KHDRBS2: variants seen among roughly 807,000 people sequenced by gnomAD.
The protein encoded by KHDRBS2 is KH RNA binding domain containing, signal transduction associated 2.
A neutral mutation model predicts 44.3 loss-of-function variants in KHDRBS2; 26 were observed. The ratio of observed to expected loss-of-function variants is 0.59; its 90% CI spans 0.43 to 0.81. The LOEUF is 0.81. Ranked by LOEUF, KHDRBS2 falls within the 40% of genes least tolerant of loss-of-function variation. KHDRBS2 has a pLI of 0.00. For missense variants in KHDRBS2, 476 were observed against 433.1 expected (o/e 1.10, Z -0.88); for synonymous variants, 194 against 151.1 (o/e 1.28, Z -2.08).
chr6:61,726,925 T>A (rs1357554564), intron 7 of KHDRBS2, among the ~76,000 whole-genome samples: 1 of 152,066 alleles, frequency 6.6e-6, no homozygotes, highest in Non-Finnish European at 1.5e-5. Flanking sequence ...AAAAATATTT[T>A]AAAATTCATA....
At chr6:62,279,238 C>A (rs1841453834) in intron 1 of KHDRBS2, among the ~76,000 whole-genome samples, 1 of 152,162 alleles carries the variant, frequency 6.6e-6, no homozygotes, top group South Asian at 2.1e-4. Context: ...TTTCCAACTT[C>A]CTGCATATGA....
At chr6:61,984,227 T>A (rs1427809413) in intron 3 of KHDRBS2, among the ~76,000 whole-genome samples, 9 of 152,194 alleles carry the variant, frequency 5.9e-5, no homozygotes, top group Non-Finnish European at 1.3e-4. Flanking sequence ...TGGGCTATAC[T>A]ATGAAGTTAA....
At chr6:61,600,255 T>C in the KHDRBS2 span, among the ~76,000 whole-genome samples, 5 of 152,120 alleles carry the variant, frequency 3.3e-5, no homozygotes, top group Admixed American at 6.5e-5. Context: ...CCAGATAGCC[T>C]GAAGTAACTG....
intron 2 of KHDRBS2, among the ~76,000 whole-genome samples, chr6:62,105,692 C>A (rs905809901): frequency 1.3e-5 from 2 of 151,928 alleles, no homozygotes; most frequent in Non-Finnish European, 2.9e-5. Context: ...GTCTTGCTAG[C>A]GGTCTATCAA....
intron 4 of KHDRBS2, among the ~76,000 whole-genome samples, chr6:61,910,029 C>T (rs1475107011): frequency 6.6e-6 from 1 of 152,182 alleles, no homozygotes; most frequent in African/African-American, 2.4e-5. Context: ...AGTCTTTAGC[C>T]TTTCTGGGCC....
chr6:61,590,697 A>G, the KHDRBS2 span, among the ~76,000 whole-genome samples: 81 of 152,326 alleles, frequency 5.3e-4, no homozygotes, highest in African/African-American at 1.8e-3. Context: ...TTTATAAAGT[A>G]CAGTCTATAA....
the KHDRBS2 span, among the ~76,000 whole-genome samples, chr6:61,612,891 C>T: frequency 5.8e-5 from 7 of 120,592 alleles, no homozygotes; most frequent in Admixed American, 3.4e-4. Context: ...CTTGCTCTGT[C>T]GCCCAGGCTG....
intron 3 of KHDRBS2, among the ~76,000 whole-genome samples, chr6:61,986,912 G>A (rs1320385114): frequency 1.3e-5 from 2 of 152,102 alleles, no homozygotes; most frequent in Admixed American, 1.3e-4. Context: ...AGGGATCAAG[G>A]ATTCAACATA....
rs542410649 is a variant in KHDRBS2 at position 62,177,259 on chromosome 6, A to T, written c.145T>A (p.Tyr49Asn). The change falls in exon 2 of 9, where the codon TAT becomes AAT. Residue 49 changes from tyrosine (Y) to asparagine (N), a missense_variant. Coordinates refer to ENST00000281156, the MANE Select transcript of KHDRBS2 (RefSeq NM_152688.4). ...DGKKEDEEKK[Y>N]LDVISNKNIK... is the part of the protein sequence containing the mutation. ...TTTTTGTTGCTGATGACATCAAGATACTTCTTTTCTTCGTCTTCCTTTTTT... is the reference window on the plus strand; with the variant it reads ...TTTTTGTTGCTGATGACATCAAGATTCTTCTTTTCTTCGTCTTCCTTTTTT... 26 of 1,600,906 alleles carry T rather than the reference A, an allele frequency of 1.6e-5. No individual in the cohort carries two copies. The South Asian group carries it at 2.8e-4, about 17-fold the overall frequency.
At chr6:61,817,963 C>A (rs1457559111) in intron 6 of KHDRBS2, among the ~76,000 whole-genome samples, 1 of 151,850 alleles carries the variant, frequency 6.6e-6, no homozygotes, top group Non-Finnish European at 1.5e-5. Flanking sequence ...GTATTTTGAT[C>A]GACAACTCCC....
chr6:61,920,803 A>G (rs949617674), intron 4 of KHDRBS2, among the ~76,000 whole-genome samples: 30 of 151,924 alleles, frequency 2.0e-4, no homozygotes, highest in African/African-American at 7.0e-4. Flanking sequence ...TGAAGGTCTA[A>G]GGAAGACCAA....
At chr6:61,849,947 C>T (rs1290357082) in intron 6 of KHDRBS2, among the ~76,000 whole-genome samples, 1 of 152,106 alleles carries the variant, frequency 6.6e-6, no homozygotes, top group Admixed American at 6.6e-5. Flanking sequence ...TCTCAATTAA[C>T]TTAATCTGTC....
chr6:61,972,660 GT>G (rs934936323), intron 4 of KHDRBS2, among the ~76,000 whole-genome samples: 1 of 152,110 alleles, frequency 6.6e-6, no homozygotes, highest in African/African-American at 2.4e-5. Flanking sequence ...ATTGAACTTT[GT>G]TTTTAAATTC....
At chr6:62,041,946 G>C (rs2127300256) in intron 3 of KHDRBS2, among the ~76,000 whole-genome samples, 1 of 151,918 alleles carries the variant, frequency 6.6e-6, no homozygotes, top group East Asian at 2.0e-4. Flanking sequence ...TACAACAAAA[G>C]ATGAAGATGC....
At chr6:61,685,745 G>A (rs535981410) in intron 8 of KHDRBS2, among the ~76,000 whole-genome samples, 87 of 151,810 alleles carry the variant, frequency 5.7e-4, no homozygotes, top group Middle Eastern at 3.4e-3. Flanking sequence ...AATACTGTGC[G>A]AAATGAGGCC....
rs60777945 is a variant in KHDRBS2 at position 62,068,923 on chromosome 6, C to T, written c.220-20929G>A. ...GCTTTGTAGTATATTTTGAAATTAA[C>T]TGTTTGAGTTCTTTAAATTTCTTTT... On this transcript the variant is annotated intron_variant, in intron 2 of 8. Transcript: ENST00000281156. 3.8e-3 allele frequency among the ~76,000 whole-genome samples: 578 copies of T among 151,698 alleles called. 1 individual carries two copies. Among genetic ancestry groups the T allele is most frequent in the African/African-American group, 0.014 (560 of 41,462 alleles).
rs1770596114 is a variant in KHDRBS2, at chr6:61,712,073, G to GA, written c.894-14821dup. On this transcript the variant is annotated intron_variant, in intron 7 of 8. Transcript: ENST00000281156. The stretch of plus-strand genomic sequence containing the variant: ...GTTCAATCTGAAGCCAAAACTAAGA[G>GA]AAAATCAGGCACATGGGGGAGCTCT... Among the ~76,000 whole-genome samples, 3 of 151,876 alleles carry GA rather than the reference G, an allele frequency of 2.0e-5. No individual in the cohort carries two copies. In the South Asian group the frequency reaches 6.2e-4, roughly 32 times the overall value.
chr6:61,675,575 A>C (rs1258512613), downstream of KHDRBS2, among the ~76,000 whole-genome samples: 1 of 151,792 alleles, frequency 6.6e-6, no homozygotes, highest in Admixed American at 6.6e-5. Context: ...TACATTAAAT[A>C]TTATCTAAAT....
chr6:62,275,585 A>T (rs1052815470), intron 1 of KHDRBS2, among the ~76,000 whole-genome samples: 7 of 152,214 alleles, frequency 4.6e-5, no homozygotes, highest in Non-Finnish European at 1.0e-4. Flanking sequence ...ATCAAGTTCC[A>T]GAAAACAATT....
Sources: gnomAD v4.1 joint callset for allele counts (sites outside exome capture counted in the v4.1 genomes callset) on GRCh38, gnomAD v4.1.1 for gene constraint, MANE v1.5 for transcripts, NCBI Gene and HGNC (gene_info 2026-07-23, HGNC 2026-07-21) for gene names.